STARD13: variants seen among roughly 807,000 people sequenced by gnomAD.
STARD13 encodes StAR related lipid transfer domain containing 13.
In STARD13, 62 loss-of-function variants were observed where a neutral mutation model predicts 106.4. The ratio of observed to expected loss-of-function variants is 0.58; its 90% CI spans 0.48 to 0.72. The LOEUF (loss-of-function observed/expected upper bound fraction) is 0.72. Among genes scored for constraint, STARD13 ranks in the 30% least tolerant of loss-of-function variants. STARD13 has a pLI of 0.00. For missense variants in STARD13, 1,387 were observed against 1,424.0 expected (o/e 0.97, Z 0.42); for synonymous variants, 565 against 553.0 (o/e 1.02, Z -0.31).
the STARD13 span, among the ~76,000 whole-genome samples, chr13:33,432,214 G>A: frequency 8.9e-4 from 135 of 152,258 alleles, no homozygotes; most frequent in African/African-American, 2.8e-3. Flanking sequence ...ACAGTCACTC[G>A]CGAGCTTTTC....
the STARD13 span, among the ~76,000 whole-genome samples, chr13:33,475,256 C>T: frequency 2.0e-5 from 3 of 151,976 alleles, no homozygotes; most frequent in Non-Finnish European, 4.4e-5. Context: ...CTTAAGGTTA[C>T]TAAGAATAAG....
At chr13:33,253,803 C>A (rs904145261) in intron 1 of STARD13, among the ~76,000 whole-genome samples, 1 of 152,102 alleles carries the variant, frequency 6.6e-6, no homozygotes, top group Non-Finnish European at 1.5e-5. Flanking sequence ...CAAAATAGTA[C>A]GATCTAAAGA....
At chr13:33,202,341 A>G (rs1376784555) in intron 1 of STARD13, among the ~76,000 whole-genome samples, 1 of 152,204 alleles carries the variant, frequency 6.6e-6, no homozygotes, top group Admixed American at 6.5e-5. Context: ...TTATGCCATA[A>G]GGGACAATTT....
chr13:33,637,342 G>A, the STARD13 span, among the ~76,000 whole-genome samples: 1 of 152,136 alleles, frequency 6.6e-6, no homozygotes, highest in Non-Finnish European at 1.5e-5. Flanking sequence ...CACATTACAG[G>A]AAACAAAATT....
chr13:33,516,661 C>T, the STARD13 span, among the ~76,000 whole-genome samples: 2 of 151,642 alleles, frequency 1.3e-5, no homozygotes, highest in South Asian at 4.1e-4. Context: ...CCACCTAGAG[C>T]TTCTCTGTCC....
intron 1 of STARD13, among the ~76,000 whole-genome samples, chr13:33,331,526 ATTTT>A (rs35827468): frequency 3.8e-5 from 5 of 130,812 alleles, no homozygotes; most frequent in African/African-American, 5.6e-5. Flanking sequence ...CTGATTTTGT[ATTTT>A]TTTTTTTTTT....
At chr13:33,391,663 A>G in the STARD13 span, among the ~76,000 whole-genome samples, 3 of 152,154 alleles carry the variant, frequency 2.0e-5, no homozygotes, top group Non-Finnish European at 2.9e-5. Flanking sequence ...AGGACAGCTC[A>G]GGAAATCAGC....
the STARD13 span, among the ~76,000 whole-genome samples, chr13:33,414,707 A>T: frequency 6.6e-6 from 1 of 152,126 alleles, no homozygotes; most frequent in African/African-American, 2.4e-5. Flanking sequence ...TGGTGATGAA[A>T]ATGTTCTCTA....
intron 1 of STARD13, among the ~76,000 whole-genome samples, chr13:33,296,059 T>TAA (rs879932732): frequency 2.1e-5 from 3 of 140,104 alleles, no homozygotes; most frequent in African/African-American, 5.2e-5. Context: ...CGTCTCTACT[T>TAA]AAAAAAAAAA....
intron 1 of STARD13, among the ~76,000 whole-genome samples, chr13:33,227,354 T>C (rs1490513695): frequency 3.3e-5 from 5 of 152,228 alleles, no homozygotes; most frequent in African/African-American, 1.2e-4. Context: ...TTTAAACAGA[T>C]ACCTAATTTG....
At chr13:33,161,215 G>A (rs973326067) in intron 3 of STARD13, among the ~76,000 whole-genome samples, 8 of 152,022 alleles carry the variant, frequency 5.3e-5, no homozygotes, top group Admixed American at 2.0e-4. Context: ...CAAAACTATA[G>A]GTACAAAAAA....
the STARD13 span, among the ~76,000 whole-genome samples, chr13:33,475,280 A>G: frequency 6.6e-6 from 1 of 152,186 alleles, no homozygotes; most frequent in South Asian, 2.1e-4. Context: ...TCTAGTTAAT[A>G]TATAATTCTG....
rs1593860541 is a variant in STARD13, at chr13:33,113,173, C to T, written c.2282-242G>A. 7.7e-6 allele frequency: 4 copies of T among 518,222 alleles called. No homozygotes were observed. The Middle Eastern group carries it at 1.5e-3, about 194-fold the overall frequency. 32.1% of individuals were successfully genotyped at this position (518,222 alleles called of 1,614,324 possible). ...ACTTTGGATCCCACGCTCTCGATGG[C>T]CAAGCAGGGTTTAGAAAGGGGCACC... On this transcript the variant is annotated intron_variant, in intron 8 of 13. Coordinates refer to ENST00000336934, the MANE Select transcript of STARD13 (RefSeq NM_178006.4).
At chr13:33,142,273 G>A in intron 4 of STARD13, 37 bp downstream of exon 4, 3 of 1,544,656 alleles carry the variant, frequency 1.9e-6, no homozygotes, top group Non-Finnish European at 2.7e-6. Flanking sequence ...GGCATTCACT[G>A]GCATAGCCAC....
intron 8 of STARD13, 32 bp from the exon 9 acceptor site, chr13:33,112,963 G>A: frequency 6.4e-7 from 1 of 1,554,630 alleles, no homozygotes; most frequent in Non-Finnish European, 8.8e-7. Context: ...GTCATTGGAG[G>A]AGCAGACATA....
At chr13:33,492,517 G>A in the STARD13 span, among the ~76,000 whole-genome samples, 1 of 152,132 alleles carries the variant, frequency 6.6e-6, no homozygotes, top group African/African-American at 2.4e-5. Context: ...TGATAAAACA[G>A]GTTGCAGTAA....
the STARD13 span, among the ~76,000 whole-genome samples, chr13:33,527,692 T>C: frequency 2.0e-5 from 3 of 151,924 alleles, no homozygotes; most frequent in African/African-American, 7.2e-5. Flanking sequence ...TACAGATAGG[T>C]AACCCCTTTG....
chr13:33,380,806 CG>C, the STARD13 span, among the ~76,000 whole-genome samples: 1 of 152,038 alleles, frequency 6.6e-6, no homozygotes, highest in Admixed American at 6.6e-5. Context: ...AGAGGGTACC[CG>C]TGCCAGGTTC....
chr13:33,525,828 C>T, the STARD13 span, among the ~76,000 whole-genome samples: 1 of 152,116 alleles, frequency 6.6e-6, no homozygotes, highest in Non-Finnish European at 1.5e-5. Context: ...GTAGAATAAA[C>T]CTACTTGTAC....
Sources: gnomAD v4.1 joint callset for allele counts (sites outside exome capture counted in the v4.1 genomes callset) on GRCh38, gnomAD v4.1.1 for gene constraint, MANE v1.5 for transcripts, NCBI Gene and HGNC (gene_info 2026-07-23, HGNC 2026-07-21) for gene names.